Variants in SLC6A3 observed in about 807,000 individuals in gnomAD.
SLC6A3 encodes the protein sodium-dependent dopamine transporter.
In SLC6A3, 19 loss-of-function variants were observed where a neutral mutation model predicts 70.4. The observed-to-expected ratio is 0.27, with a 90% CI of 0.19 to 0.40. SLC6A3 has a LOEUF of 0.40. SLC6A3 is among the 10% of genes least tolerant of loss of function. SLC6A3 has a pLI of 1.00. For synonymous variants in SLC6A3, 368 were observed against 356.6 expected (o/e 1.03, Z -0.36); for missense variants, 613 against 838.5 (o/e 0.73, Z 3.32).
intron 1 of SLC6A3, 140 bp from the exon 2 acceptor site, chr5:1,443,382 C>T (rs182252545): frequency 1.8e-5 from 13 of 715,240 alleles, no homozygotes; most frequent in Admixed American, 4.1e-5. Flanking sequence ...GCGTTCTCAG[C>T]GCCTGAGATG....
intron 4 of SLC6A3, among the ~76,000 whole-genome samples, chr5:1,430,887 C>A (rs1280927656): frequency 6.6e-6 from 1 of 152,234 alleles, no homozygotes; most frequent in Admixed American, 6.5e-5. Flanking sequence ...TGCAAAGGCA[C>A]CTACTGGCTG....
chr5:1,436,012 C>G lies in SLC6A3; in HGVS notation c.419-3314G>C, dbSNP rs1756825961. ...GTGGTGGCCAGTCCCCTCCTGGATG[C>G]TTCCCTGGGCACCTGGGTGAGGAAA... is the stretch of plus-strand genomic sequence containing the variant. On this transcript the variant is annotated intron_variant, in intron 3 of 14. Coordinates refer to ENST00000270349, the MANE Select transcript of SLC6A3 (RefSeq NM_001044.5). The surrounding 1 kb of genome is among the most constrained non-coding windows in gnomAD (Gnocchi z 5.2). 7.1e-6 allele frequency among the ~76,000 whole-genome samples: 1 copy of G among 140,322 alleles called. No individual in the cohort carries two copies. The allele number at this position is 140,322 out of a possible 152,430, so 92.1% of individuals were successfully genotyped here. A position where few individuals can be genotyped will look rare whatever the true frequency, so the allele number is the denominator to read the frequency against.
intron 6 of SLC6A3, chr5:1,416,552 AACCCT>A: frequency 1.1e-5 from 4 of 370,640 alleles, no homozygotes; most frequent in East Asian, 5.7e-5. Flanking sequence ...GCATCCTAAT[AACCCT>A]CGGAACAGCA....
chr5:1,416,268 C>T, intron 6 of SLC6A3, 67 bp from the exon 7 acceptor site: 3 of 1,185,938 alleles, frequency 2.5e-6, no homozygotes, highest in East Asian at 4.7e-5. Flanking sequence ...AGGACCTGAG[C>T]ACCCTTCCTG....
intron 4 of SLC6A3, among the ~76,000 whole-genome samples, chr5:1,422,795 C>A (rs562956058): frequency 1.7e-4 from 12 of 71,574 alleles, no homozygotes; most frequent in South Asian, 7.5e-4. Flanking sequence ...GTGCTGCCCA[C>A]GGTGCTGGGT....
In SLC6A3 at chr5:1,421,974, C is replaced by G. The variant is rs764108791; in HGVS notation, c.694G>C (p.Asp232His). 1 of 1,612,956 alleles carries G rather than the reference C, an allele frequency of 6.2e-7. No homozygotes were observed. The highest frequency in any genetic ancestry group is 8.5e-7 in the Non-Finnish European group (1 of 1,180,028). ...AGCTGCCACCGCGGAGGCCCCAGGTCGTCGATGCCATGGCTCTGGTGGAGG... is the reference window on the plus strand; with the variant it reads ...AGCTGCCACCGCGGAGGCCCCAGGTGGTCGATGCCATGGCTCTGGTGGAGG... ...LHLHQSHGID[D>H]LGPPRWQLTA... Residue 232 changes from aspartate to histidine, a missense_variant, in exon 5 of 15, where the codon GAC (aspartate) becomes CAC (histidine). Physicochemically the swap from Asp to His is moderately conservative, Grantham distance 81. Transcript: ENST00000270349. The surrounding 1 kb of genome is among the most constrained non-coding windows in gnomAD (Gnocchi z 7.2).
In SLC6A3 at chr5:1,394,699, C is replaced by T. The variant is rs28363166; in HGVS notation, c.*36G>A. Reference sequence around the variant, plus strand: ...TGGTTTGTTCGTGTCTCTCCCATTGCAGGATGACTTCCTGGGGTCTTCGTC... The same window carrying T: ...TGGTTTGTTCGTGTCTCTCCCATTGTAGGATGACTTCCTGGGGTCTTCGTC... On this transcript the variant is annotated 3_prime_UTR_variant, in exon 15 of 15. Coordinates refer to ENST00000270349, the MANE Select transcript of SLC6A3 (RefSeq NM_001044.5). The surrounding 1 kb of genome is among the most constrained non-coding windows in gnomAD (Gnocchi z 4.7). 5.7e-3 allele frequency: 9,172 copies of T among 1,608,550 alleles called. 463 individuals carry two copies. The African/African-American group carries it at 0.11, about 19-fold the overall frequency.
At position 1,394,879 on chromosome 5, in the gene SLC6A3, C is replaced by T. The variant is rs539934543; in HGVS notation, c.1840-121G>A. The T allele has an allele frequency of 9.1e-7, 1 of 1,095,266 alleles. No homozygotes were observed. Among genetic ancestry groups the T allele is most frequent in the Non-Finnish European group, 1.4e-6 (1 of 716,468 alleles). The allele number at this position is 1,095,266 out of a possible 1,614,324, so 67.8% of individuals were successfully genotyped here. ...CAGTTTGCAGCCTCCTGGCCATGTGCCCTGGGAGAAGGGGAGGCTCACTGG... is the reference window on the plus strand; with the variant it reads ...CAGTTTGCAGCCTCCTGGCCATGTGTCCTGGGAGAAGGGGAGGCTCACTGG... On this transcript the variant is annotated intron_variant, in intron 14 of 14. Transcript: ENST00000270349. This position sits in a 1 kb window ranked among gnomAD's most constrained non-coding sequence, Gnocchi z 4.7.
At chr5:1,427,593 C>T (rs2126384074) in intron 4 of SLC6A3, among the ~76,000 whole-genome samples, 1 of 152,298 alleles carries the variant, frequency 6.6e-6, no homozygotes, top group Non-Finnish European at 1.5e-5. Context: ...GCACAACCAA[C>T]TCGATGGTGT....
At chr5:1,415,223 G>T (rs533974070) in intron 7 of SLC6A3, among the ~76,000 whole-genome samples, 10 of 152,150 alleles carry the variant, frequency 6.6e-5, no homozygotes, top group African/African-American at 2.4e-4. Context: ...ACTCCCAAGG[G>T]CGCTGGTGCT....
At chr5:1,444,369 GACACACAC>G (rs1560929855) in intron 1 of SLC6A3, among the ~76,000 whole-genome samples, 2 of 151,840 alleles carry the variant, frequency 1.3e-5, no homozygotes, top group African/African-American at 4.9e-5. Flanking sequence ...CAGACACACA[GACACACAC>G]AGACTCACAA....
intron 3 of SLC6A3, among the ~76,000 whole-genome samples, chr5:1,440,640 G>A (rs1257229617): frequency 1.3e-5 from 2 of 152,142 alleles, no homozygotes; most frequent in African/African-American, 4.8e-5. Context: ...AGGTCATTAG[G>A]GTGTCCCTAA....
At chr5:1,414,901 C>CT (rs1756245722) in intron 7 of SLC6A3, 86 bp from the exon 8 acceptor site, 2 of 1,572,036 alleles carry the variant, frequency 1.3e-6, no homozygotes, top group African/African-American at 2.7e-5. Flanking sequence ...TTTACTGTGT[C>CT]TGGGGAAGGG....
At position 1,437,078 on chromosome 5, in the gene SLC6A3, C is replaced by T. The variant is rs1422298251; in HGVS notation, c.418+4281G>A. On this transcript the variant is annotated intron_variant, in intron 3 of 14. Transcript: ENST00000270349. This position sits in a 1 kb window ranked among gnomAD's most constrained non-coding sequence, Gnocchi z 4.8. ...CATCCTGGCTAACACGATGAAACCC[C>T]GTCTCTACTAAAAATACAAAAAATT... Among the ~76,000 whole-genome samples the T allele has an allele frequency of 3.3e-5, 5 of 152,034 alleles. No homozygotes were observed. The highest frequency in any genetic ancestry group is 6.5e-5 in the Admixed American group (1 of 15,272).
rs1336982372 is a variant in SLC6A3, at chr5:1,406,741, C to T, written c.1499-453G>A. ...ATACTGTGTAACCGTCACCACCGTC[C>T]ATCTTCAGAACTCCATCCTCCAAAA... On this transcript the variant is annotated intron_variant, in intron 11 of 14. Coordinates refer to ENST00000270349, the MANE Select transcript of SLC6A3 (RefSeq NM_001044.5). This position sits in a 1 kb window ranked among gnomAD's most constrained non-coding sequence, Gnocchi z 8.8. 6.7e-6 allele frequency among the ~76,000 whole-genome samples: 1 copy of T among 149,360 alleles called. No homozygotes were observed. The highest frequency in any genetic ancestry group is 1.5e-5 in the Non-Finnish European group (1 of 66,016).
rs1197675628 is a variant in SLC6A3, at chr5:1,397,828, C to T, written c.1840-3070G>A. Among the ~76,000 whole-genome samples, 1 of 152,162 alleles carries T rather than the reference C, an allele frequency of 6.6e-6. No individual in the cohort carries two copies. The highest frequency in any genetic ancestry group is 1.5e-5 in the Non-Finnish European group (1 of 68,036). On this transcript the variant is annotated intron_variant, in intron 14 of 14. Transcript: ENST00000270349. This position sits in a 1 kb window ranked among gnomAD's most constrained non-coding sequence, Gnocchi z 4.7. ...ACAAAAGTATGGGAACCAACAAACA[C>T]CAAGCATGCACATTAGTCCAAGGAA...
chr5:1,417,487 A>G (rs1014084222), intron 6 of SLC6A3, among the ~76,000 whole-genome samples: 1 of 152,230 alleles, frequency 6.6e-6, no homozygotes, highest in African/African-American at 2.4e-5. Context: ...GCACCTGGGC[A>G]TGGCCAGGAG....
chr5:1,415,431 C>T (rs1224593139), intron 7 of SLC6A3, among the ~76,000 whole-genome samples: 3 of 152,184 alleles, frequency 2.0e-5, no homozygotes, highest in Non-Finnish European at 2.9e-5. Flanking sequence ...AGGTGGGCTG[C>T]GGGCAGGCGC....
In SLC6A3 at chr5:1,408,874, T is replaced by C; in HGVS notation, c.1498+152A>G. The C allele has an allele frequency of 4.3e-6, 3 of 694,080 alleles. No homozygotes were observed. Among genetic ancestry groups the C allele is most frequent in the Non-Finnish European group, 7.8e-6 (3 of 382,622 alleles). 43.0% of individuals were successfully genotyped at this position (694,080 alleles called of 1,614,324 possible). A position where few individuals can be genotyped will look rare whatever the true frequency, so the allele number is the denominator to read the frequency against. On this transcript the variant is annotated intron_variant, in intron 11 of 14. Coordinates refer to ENST00000270349, the MANE Select transcript of SLC6A3 (RefSeq NM_001044.5). This position sits in a 1 kb window ranked among gnomAD's most constrained non-coding sequence, Gnocchi z 6.4. ...TCACTGATCCCATCAAAGGGACCAG[T>C]GCCAAGCCTCTCCCCTCTGCGGAGC...
Sources: gnomAD v4.1 joint callset for allele counts (sites outside exome capture counted in the v4.1 genomes callset) on GRCh38, gnomAD v4.1.1 for gene constraint, Gnocchi (gnomAD v3.1) non-coding constraint, MANE v1.5 for transcripts, NCBI Gene and HGNC (gene_info 2026-07-23, HGNC 2026-07-21) for gene names.